HCRTR2: variants seen among roughly 807,000 people sequenced by gnomAD.
The protein encoded by HCRTR2 is hypocretin receptor 2.
HCRTR2 carries 22 observed loss-of-function variants against 49.0 expected under a neutral mutation model. The observed-to-expected ratio is 0.45, with a 90% CI of 0.32 to 0.64. The LOEUF (loss-of-function observed/expected upper bound fraction) is 0.64, where lower values mean the gene tolerates loss of function less well. Among genes scored for constraint, HCRTR2 ranks in the 30% least tolerant of loss-of-function variants. HCRTR2 has a pLI of 0.04. For missense variants in HCRTR2, 491 were observed against 559.4 expected (o/e 0.88, Z 1.23); for synonymous variants, 236 against 205.3 (o/e 1.15, Z -1.28).
intron 1 of HCRTR2, among the ~76,000 whole-genome samples, chr6:55,244,808 T>G (rs1227812455): frequency 6.6e-6 from 1 of 152,064 alleles, no homozygotes; most frequent in Non-Finnish European, 1.5e-5. Context: ...TACATTTAAG[T>G]CTTTAATCCA....
At chr6:55,168,250 T>C (rs1290800931) in intron 1 of HCRTR2, among the ~76,000 whole-genome samples, 2 of 152,176 alleles carry the variant, frequency 1.3e-5, no homozygotes, top group African/African-American at 4.8e-5. Context: ...CTGAAGAGTA[T>C]AACAAGTTCC....
intron 3 of HCRTR2, among the ~76,000 whole-genome samples, chr6:55,262,413 G>A: frequency 7.7e-6 from 1 of 130,030 alleles, no homozygotes. Flanking sequence ...TGTATTATAT[G>A]TTATATATAA....
At chr6:55,164,785 C>T (rs1764853790) in intron 1 of HCRTR2, among the ~76,000 whole-genome samples, 1 of 151,612 alleles carries the variant, frequency 6.6e-6, no homozygotes, top group East Asian at 1.9e-4. Context: ...AAAAAAAGAC[C>T]ATTTATGAAA....
chr6:55,255,349 C>G lies in HCRTR2; in HGVS notation c.616C>G (p.Leu206Val), dbSNP rs199957193. 1 of 1,614,014 alleles carries G rather than the reference C, an allele frequency of 6.2e-7. No homozygotes were observed. The highest frequency in any genetic ancestry group is 8.5e-7 in the Non-Finnish European group (1 of 1,179,936). The change falls in exon 3 of 7, where the codon CTC becomes GTC. Residue 206 changes from leucine (L) to valine (V), a missense_variant. Transcript: ENST00000370862. ...CCCAGGCTTAGCCAATAAAACCACC[C>G]TCTTTACGGTGTGTGATGAGCGCTG... is the stretch of plus-strand genomic sequence containing the variant. ...VFPGLANKTT[L>V]FTVCDERWGG... is the part of the protein sequence containing the mutation.
In HCRTR2 at chr6:55,263,168, T is replaced by C. The variant is rs556666100; in HGVS notation, c.647-539T>C. On this transcript the variant is annotated intron_variant, in intron 3 of 6. Transcript: ENST00000370862. ...TAATCATTGTCAAATTTGTATTGTATTTAGTTTTCAAAATTTTTTTCACAT... is the reference window on the plus strand; with the variant it reads ...TAATCATTGTCAAATTTGTATTGTACTTAGTTTTCAAAATTTTTTTCACAT... Among the ~76,000 whole-genome samples, 435 of 152,166 alleles carry C rather than the reference T, an allele frequency of 2.9e-3. 2 individuals are homozygous for C. Among genetic ancestry groups the C allele is most frequent in the Non-Finnish European group, 5.1e-3 (345 of 67,936 alleles).
intron 1 of HCRTR2, among the ~76,000 whole-genome samples, chr6:55,195,185 A>G (rs986178582): frequency 1.3e-5 from 2 of 152,164 alleles, no homozygotes; most frequent in Non-Finnish European, 2.9e-5. Context: ...TGAAAAATCA[A>G]TAAGATATCG....
At chr6:55,277,214 G>A (rs1767092833) in intron 4 of HCRTR2, among the ~76,000 whole-genome samples, 166 bp from the exon 5 acceptor site, 1 of 151,984 alleles carries the variant, frequency 6.6e-6, no homozygotes, top group Admixed American at 6.6e-5. Context: ...CTGAATTAAC[G>A]CCAAGCACAT....
chr6:55,189,290 A>T (rs771185665), intron 1 of HCRTR2, among the ~76,000 whole-genome samples: 1 of 152,190 alleles, frequency 6.6e-6, no homozygotes, highest in Non-Finnish European at 1.5e-5. Context: ...TAAAGTTATG[A>T]GATACCAGAC....
intron 1 of HCRTR2, chr6:55,106,669 C>A (rs1196978291): frequency 6.6e-6 from 1 of 152,030 alleles, no homozygotes; most frequent in African/African-American, 2.4e-5. Context: ...TTATTAAAGA[C>A]AATTTATTAA....
At chr6:55,112,918 T>C (rs758306739) in intron 1 of HCRTR2, among the ~76,000 whole-genome samples, 58 of 151,964 alleles carry the variant, frequency 3.8e-4, no homozygotes, top group Non-Finnish European at 6.9e-4. Context: ...AGGGTACTGG[T>C]GTAAAAGTAA....
In HCRTR2 at chr6:55,149,869, T is replaced by G. The variant is rs13211022; in HGVS notation, c.-377-24342T>G. Among the ~76,000 whole-genome samples the G allele has an allele frequency of 6.4e-3, 980 of 152,160 alleles. 9 individuals carry two copies. The highest frequency in any genetic ancestry group is 0.031 in the Middle Eastern group (9 of 294). The stretch of plus-strand genomic sequence containing the variant: ...TTCAGAACTTCTGACTGGAAATCAT[T>G]TAGAATGTTTGATAAAGCTAAATCA... On this transcript the variant is annotated intron_variant, in intron 1 of 7. Transcript: ENST00000615358.
At chr6:55,234,380 G>T (rs750476854) in intron 1 of HCRTR2, among the ~76,000 whole-genome samples, 2 of 152,048 alleles carry the variant, frequency 1.3e-5, no homozygotes, top group East Asian at 1.9e-4. Flanking sequence ...GAAAAAATAG[G>T]CTATCTATAT....
chr6:55,179,592 C>T (rs866825374), intron 1 of HCRTR2, among the ~76,000 whole-genome samples: 8 of 151,964 alleles, frequency 5.3e-5, no homozygotes, highest in Admixed American at 2.0e-4. Context: ...ATAACATGTG[C>T]AACTGATAAT....
At chr6:55,163,649 G>A (rs1299473752) in intron 1 of HCRTR2, among the ~76,000 whole-genome samples, 1 of 152,088 alleles carries the variant, frequency 6.6e-6, no homozygotes, top group African/African-American at 2.4e-5. Flanking sequence ...AGACTTAAAC[G>A]TAAGACCTAA....
At chr6:55,265,456 G>A (rs563641082) in intron 4 of HCRTR2, among the ~76,000 whole-genome samples, 1 of 152,238 alleles carries the variant, frequency 6.6e-6, no homozygotes, top group South Asian at 2.1e-4. Flanking sequence ...AACCTAGTCT[G>A]AAGAAATGGC....
At position 55,255,204 on chromosome 6, in the gene HCRTR2, T is replaced by C; in HGVS notation, c.471T>C (p.Cys157=). The C allele has an allele frequency of 6.2e-7, 1 of 1,614,082 alleles. No individual in the cohort carries two copies. The highest frequency in any genetic ancestry group is 8.5e-7 in the Non-Finnish European group (1 of 1,179,972). ...CCTTGGATCGGTGGTATGCAATCTGTCACCCTTTGATGTTTAAGAGCACAG... is the reference window on the plus strand; with the variant it reads ...CCTTGGATCGGTGGTATGCAATCTGCCACCCTTTGATGTTTAAGAGCACAG... ...CIALDRWYAI[C]HPLMFKSTAK... Residue 157 remains cysteine (C), a synonymous_variant, in exon 3 of 7, where the codon TGT becomes TGC. Coordinates refer to ENST00000370862, the MANE Select transcript of HCRTR2 (RefSeq NM_001384272.1).
In HCRTR2 at chr6:55,122,141, G is replaced by A. The variant is rs1417860862; in HGVS notation, c.-378+15596G>A. ...TATTAATTATTGCCTCAATTTCAGA[G>A]CCTGTTATTGGTCTATTCAGAGATT... On this transcript the variant is annotated intron_variant, in intron 1 of 7. Coordinates refer to the HCRTR2 transcript ENST00000615358. Among the ~76,000 whole-genome samples, 4 of 152,116 alleles carry A rather than the reference G, an allele frequency of 2.6e-5. No homozygotes were observed. In the East Asian group the frequency reaches 7.7e-4, roughly 29 times the overall value.
At chr6:55,147,504 A>T (rs1764611138) in intron 1 of HCRTR2, among the ~76,000 whole-genome samples, 1 of 152,120 alleles carries the variant, frequency 6.6e-6, no homozygotes, top group East Asian at 1.9e-4. Context: ...AGGTACTGTT[A>T]CTATCCTCAT....
In HCRTR2 at chr6:55,190,812, G is replaced by A. The variant is rs116578127; in HGVS notation, c.223+16002G>A. ...ATGGTAAAAATTCTGATTTCAGAAC[G>A]TATGCCTGACTTATCAAGTCAGAAT... On this transcript the variant is annotated intron_variant, in intron 1 of 6. Coordinates refer to ENST00000370862, the MANE Select transcript of HCRTR2 (RefSeq NM_001384272.1). Among the ~76,000 whole-genome samples, 744 of 152,192 alleles carry A rather than the reference G, an allele frequency of 4.9e-3. 1 individual carries two copies. The highest frequency in any genetic ancestry group is 6.7e-3 in the Non-Finnish European group (458 of 68,012).
Sources: allele counts gnomAD v4.1 joint callset (sites outside exome capture counted in the v4.1 genomes callset), GRCh38; gene constraint gnomAD v4.1.1; transcripts MANE v1.5; gene names NCBI Gene and HGNC (gene_info 2026-07-23, HGNC 2026-07-21).